The following BCL7B variants were observed in gnomAD, a reference collection of about 807,000 sequenced individuals.
BCL7B encodes B-cell CLL/lymphoma 7 protein family member B.
BCL7B carries 11 observed loss-of-function variants against 26.5 expected under a neutral mutation model. The observed-to-expected ratio is 0.42, with a 90% confidence interval of 0.26 to 0.69. The LOEUF is 0.69. BCL7B is among the 30% of genes least tolerant of loss of function. The pLI, the probability that BCL7B is intolerant of heterozygous loss-of-function variation, is 0.28. For missense variants in BCL7B, 215 were observed against 264.4 expected (o/e 0.81, Z 1.30); for synonymous variants, 111 against 107.9 (o/e 1.03, Z -0.18).
rs549330473 is a variant in BCL7B at position 73,557,615 on chromosome 7, C to T, written c.-37G>A. On this transcript the variant is annotated 5_prime_UTR_variant, in exon 1 of 6. Transcript: ENST00000223368. ...GAGCGGCGGGGGCCGGGGCACTGCT[C>T]CCAAGACACCGGGGATCGCGCGCCT... 613 of 1,163,192 alleles carry T rather than the reference C, an allele frequency of 5.3e-4. 1 individual carries two copies. Among genetic ancestry groups the T allele is most frequent in the Middle Eastern group, 2.4e-3 (7 of 2,886 alleles). The allele number at this position is 1,163,192 out of a possible 1,614,324, so 72.1% of individuals were successfully genotyped here. A position where few individuals can be genotyped will look rare whatever the true frequency, so the allele number is the denominator to read the frequency against.
At chr7:73,552,615 CA>C (rs1175100502) in intron 1 of BCL7B, among the ~76,000 whole-genome samples, 5 of 145,006 alleles carry the variant, frequency 3.4e-5, no homozygotes, top group South Asian at 2.2e-4. Context: ...TCTGTCGCTA[CA>C]AAAAAAAAAC....
At chr7:73,546,131 C>CAAAA (rs1327019672) in intron 2 of BCL7B, among the ~76,000 whole-genome samples, 2 of 73,884 alleles carry the variant, frequency 2.7e-5, no homozygotes. Context: ...GACTCCATCT[C>CAAAA]AAAAAAAAAA....
chr7:73,537,386 A>T lies in BCL7B; in HGVS notation c.521T>A (p.Val174Asp), dbSNP rs782663157. ...GGCACCTGAGTCTTCCTCTTCCTCA[A>T]CGACCTAGGAGCAGGCAGAGCATGG... ...EEPVPLETQV[V>D]EEEEDSGAPP... The change falls in exon 6 of 6, where the codon GTT becomes GAT. Residue 174 changes from valine (V) to aspartate (D), a missense_variant. By Grantham distance (152) the Val-to-Asp change is radical (BLOSUM62 -3). Transcript: ENST00000223368. 9 of 1,613,692 alleles carry T rather than the reference A, an allele frequency of 5.6e-6. No homozygotes were observed. The highest frequency in any genetic ancestry group is 5.0e-5 in the Admixed American group (3 of 59,978).
chr7:73,539,578 G>A lies in BCL7B; in HGVS notation c.436+304C>T, dbSNP rs552923124. On this transcript the variant is annotated intron_variant, in intron 4 of 5. Transcript: ENST00000223368. ...AATTTAACCTTTCTAAGCTTTGAATGTCCATTTTCCTCATCTGTAAAAGAA... is the reference window on the plus strand; with the variant it reads ...AATTTAACCTTTCTAAGCTTTGAATATCCATTTTCCTCATCTGTAAAAGAA... The A allele has an allele frequency of 1.3e-5, 4 of 313,552 alleles. No homozygotes were observed. The South Asian group carries it at 1.7e-4, about 13-fold the overall frequency. 19.4% of individuals were successfully genotyped at this position (313,552 alleles called of 1,614,324 possible).
At chr7:73,550,580 A>G (rs1473927772) in intron 2 of BCL7B, among the ~76,000 whole-genome samples, 1 of 151,950 alleles carries the variant, frequency 6.6e-6, no homozygotes, top group African/African-American at 2.4e-5. Context: ...AAATTAAAAA[A>G]CCAAAGTTGA....
intron 4 of BCL7B, chr7:73,538,226 G>C: frequency 5.2e-6 from 2 of 385,962 alleles, no homozygotes; most frequent in Non-Finnish European, 9.2e-6. Context: ...CATCTCTGCT[G>C]GGCTGGAGAT....
chr7:73,550,644 GTTTTT>G (rs11335676), intron 2 of BCL7B, among the ~76,000 whole-genome samples: 3 of 148,458 alleles, frequency 2.0e-5, no homozygotes, highest in Admixed American at 2.0e-4. Context: ...TTTTTTTTTT[GTTTTT>G]TTTTTGTTTG....
intron 2 of BCL7B, among the ~76,000 whole-genome samples, chr7:73,546,929 C>T (rs1791975935): frequency 6.6e-6 from 1 of 150,782 alleles, no homozygotes; most frequent in Non-Finnish European, 1.5e-5. Context: ...CTTTGGGAGG[C>T]CAAGGCGGGC....
chr7:73,537,088 G>A lies in BCL7B; in HGVS notation c.*210C>T, dbSNP rs1455131185. The stretch of plus-strand genomic sequence containing the variant: ...CTTGGGGTGCAAAAAAGACATGAGC[G>A]CTCCTCTTCTCGGGAGCAAGTAGAC... On this transcript the variant is annotated 3_prime_UTR_variant, in exon 6 of 6. Coordinates refer to ENST00000223368, the MANE Select transcript of BCL7B (RefSeq NM_001707.4). 6.4e-6 allele frequency: 3 copies of A among 466,952 alleles called. No homozygotes were observed. Among genetic ancestry groups the A allele is most frequent in the Non-Finnish European group, 1.2e-5 (3 of 258,834 alleles). 28.9% of individuals were successfully genotyped at this position (466,952 alleles called of 1,614,324 possible). A position where few individuals can be genotyped will look rare whatever the true frequency, so the allele number is the denominator to read the frequency against.
intron 1 of BCL7B, among the ~76,000 whole-genome samples, chr7:73,555,653 A>G (rs984523038): frequency 1.3e-5 from 2 of 152,166 alleles, no homozygotes; most frequent in Non-Finnish European, 2.9e-5. Context: ...GAGCCAGCCA[A>G]GTGAGGCAGG....
intron 2 of BCL7B, 59 bp downstream of exon 2, chr7:73,552,108 G>C: frequency 8.9e-7 from 1 of 1,124,664 alleles, no homozygotes. Flanking sequence ...AAAAAAAAAA[G>C]AGGCAATCAA....
intron 2 of BCL7B, among the ~76,000 whole-genome samples, chr7:73,549,674 A>T (rs562698660): frequency 6.6e-6 from 1 of 152,310 alleles, no homozygotes; most frequent in East Asian, 1.9e-4. Flanking sequence ...AAAAGAAAGA[A>T]AAAAAATTAG....
intron 1 of BCL7B, among the ~76,000 whole-genome samples, chr7:73,552,653 T>C (rs1414142751): frequency 6.6e-6 from 1 of 151,238 alleles, no homozygotes; most frequent in Non-Finnish European, 1.5e-5. Flanking sequence ...TGGTGGCGTG[T>C]GCCTGTAATC....
chr7:73,557,219 C>G (rs1191448963), intron 1 of BCL7B: 2 of 1,062,430 alleles, frequency 1.9e-6, no homozygotes, highest in Non-Finnish European at 2.3e-6. Flanking sequence ...AGCTCCAGTC[C>G]GGGCCGGAAG....
chr7:73,552,114 A>C, intron 2 of BCL7B, 53 bp downstream of exon 2: 3 of 1,458,538 alleles, frequency 2.1e-6, no homozygotes. Flanking sequence ...AAAAGAGGCA[A>C]TCAAATAAAG....
At chr7:73,542,886 A>C (rs782374606) in intron 3 of BCL7B, 11 of 450,156 alleles carry the variant, frequency 2.4e-5, no homozygotes. Context: ...ACCAGCCTGG[A>C]CAACATAGCC....
chr7:73,539,918 A>G lies in BCL7B; in HGVS notation c.400T>C (p.Ser134Pro), dbSNP rs1202112147. ...TCCTGGCCCAGCGTTGGGGGCTGGGAGTCATCCGTGCGGAAGTCGGAGGTG... is the reference window on the plus strand; with the variant it reads ...TCCTGGCCCAGCGTTGGGGGCTGGGGGTCATCCGTGCGGAAGTCGGAGGTG... ...AHTSDFRTDD[S>P]QPPTLGQEIL... The change falls in exon 4 of 6, where the codon TCC (serine) becomes CCC (proline). Residue 134 changes from serine (S) to proline (P), a missense_variant. Ser to Pro is a moderately conservative substitution (Grantham distance 74). Coordinates refer to ENST00000223368, the MANE Select transcript of BCL7B (RefSeq NM_001707.4). 2 of 1,613,892 alleles carry G rather than the reference A, an allele frequency of 1.2e-6. No individual in the cohort carries two copies. Among genetic ancestry groups the G allele is most frequent in the Non-Finnish European group, 1.7e-6 (2 of 1,180,006 alleles).
intron 3 of BCL7B, among the ~76,000 whole-genome samples, chr7:73,541,998 C>A (rs2115753945): frequency 6.6e-6 from 1 of 152,340 alleles, no homozygotes; most frequent in Admixed American, 6.5e-5. Context: ...ACAGCCCCGA[C>A]ATCACTTCTT....
chr7:73,546,308 CAGA>C (rs574822956), intron 2 of BCL7B, among the ~76,000 whole-genome samples: 242 of 152,050 alleles, frequency 1.6e-3, no homozygotes, highest in African/African-American at 5.6e-3. Context: ...CAGTCTGTAC[CAGA>C]AGGAGCAGAA....
Sources: gnomAD v4.1 joint callset for allele counts (sites outside exome capture counted in the v4.1 genomes callset) on GRCh38, gnomAD v4.1.1 for gene constraint, MANE v1.5 for transcripts, NCBI Gene and HGNC (gene_info 2026-07-23, HGNC 2026-07-21) for gene names.